The following PAXBP1 variants were observed in gnomAD, a reference collection of about 807,000 sequenced individuals.
The protein encoded by PAXBP1 is PAX3- and PAX7-binding protein 1.
Under a neutral mutation model 119.9 loss-of-function variants are expected in PAXBP1, and 44 were observed. The observed-to-expected ratio is 0.37, with a 90% confidence interval of 0.29 to 0.47. The LOEUF (loss-of-function observed/expected upper bound fraction) is 0.47, where lower values mean the gene tolerates loss of function less well. PAXBP1 is among the 20% of genes least tolerant of loss of function. The pLI is 0.99. For missense variants in PAXBP1, 898 were observed against 1,134.1 expected, an observed-to-expected ratio of 0.79 and a Z score of 2.99; for synonymous variants, 393 against 406.6, an observed-to-expected ratio of 0.97 and a Z score of 0.40.
chr21:32,746,648 TTGG>T (rs753389729), intron 11 of PAXBP1, among the ~76,000 whole-genome samples: 48 of 152,172 alleles, frequency 3.2e-4, no homozygotes, highest in Non-Finnish European at 1.5e-5. Context: ...TTTTACACTA[TTGG>T]TGGGAGTGTA....
intron 17 of PAXBP1, among the ~76,000 whole-genome samples, chr21:32,736,065 A>G (rs957408288): frequency 2.0e-5 from 3 of 152,256 alleles, no homozygotes; most frequent in African/African-American, 4.8e-5. Context: ...TTAAAATGTG[A>G]TAAAATTTAT....
At chr21:32,754,627 C>T (rs1326146104) in intron 8 of PAXBP1, among the ~76,000 whole-genome samples, 1 of 152,102 alleles carries the variant, frequency 6.6e-6, no homozygotes, top group African/African-American at 2.4e-5. Flanking sequence ...CATTTGTATA[C>T]AAAATTTCAA....
chr21:32,735,029 A>G lies in PAXBP1; in HGVS notation c.2675T>C (p.Val892Ala). 1 of 1,613,826 alleles carries G rather than the reference A, an allele frequency of 6.2e-7. No homozygotes were observed. Among genetic ancestry groups the G allele is most frequent in the South Asian group, 1.1e-5 (1 of 91,076 alleles). ...IKQIVKLLAS[V>A]RALDHAMSVA... is the part of the protein sequence containing the mutation. ...AGACATAGCATGATCCAAAGCTCGAACACTTGCAAGGAGTTTTACTATCTG... is the reference window on the plus strand; with the variant it reads ...AGACATAGCATGATCCAAAGCTCGAGCACTTGCAAGGAGTTTTACTATCTG... The change falls in exon 18 of 18, where the codon GTT (valine) becomes GCT (alanine). Residue 892 changes from valine to alanine, a missense_variant. Physicochemically the swap from Val to Ala is moderately conservative, Grantham distance 64. This residue lies in a region of PAXBP1 where 599 missense variants were observed against 852.7 expected (regional missense o/e 0.70). Coordinates refer to ENST00000331923, the MANE Select transcript of PAXBP1 (RefSeq NM_016631.4).
At chr21:32,736,893 CA>C (rs2043700622) in intron 17 of PAXBP1, among the ~76,000 whole-genome samples, 1 of 151,964 alleles carries the variant, frequency 6.6e-6, no homozygotes, top group South Asian at 2.1e-4. Flanking sequence ...TTGATTAAAA[CA>C]AAAAATCTCC....
intron 6 of PAXBP1, chr21:32,759,572 G>A: frequency 1.6e-6 from 1 of 613,040 alleles, no homozygotes. Context: ...TCATGGAGTG[G>A]CATTTTTTAT....
chr21:32,771,314 C>G lies in PAXBP1; in HGVS notation c.343+12G>C, dbSNP rs1349184016. 3.2e-6 allele frequency: 5 copies of G among 1,572,834 alleles called. No individual in the cohort carries two copies. The highest frequency in any genetic ancestry group is 4.3e-6 in the Non-Finnish European group (5 of 1,167,476). On this transcript the variant is annotated intron_variant, in intron 1 of 17. Transcript: ENST00000331923. ...TGCGGCCGTCTAAGGGCGTCCGAAG[C>G]GCGCACTTTACCTTCCTCCTCGTCC...
chr21:32,770,038 A>AAT (rs1173776612), intron 1 of PAXBP1, 96 bp from the exon 2 acceptor site: 1 of 900,930 alleles, frequency 1.1e-6, no homozygotes, highest in East Asian at 2.8e-5. Flanking sequence ...AATTATCCCA[A>AAT]ATATATATAC....
intron 6 of PAXBP1, 72 bp downstream of exon 6, chr21:32,759,705 A>AC (rs1195672219): frequency 7.1e-6 from 9 of 1,259,224 alleles, no homozygotes; most frequent in Non-Finnish European, 1.0e-5. Context: ...TGCATCTGCT[A>AC]CCCCAGACTA....
chr21:32,748,387 G>A, intron 11 of PAXBP1, 112 bp downstream of exon 11: 1 of 881,302 alleles, frequency 1.1e-6, no homozygotes, highest in South Asian at 1.8e-5. Context: ...TATAGCCTAT[G>A]CCCTATCACC....
intron 10 of PAXBP1, among the ~76,000 whole-genome samples, chr21:32,750,347 T>C (rs149716612): frequency 0.017 from 2,639 of 152,316 alleles, 33 homozygotes; most frequent in Non-Finnish European, 0.027. Flanking sequence ...CTTTCAAATT[T>C]TGTTTAGAAA....
chr21:32,765,504 T>C lies in PAXBP1; in HGVS notation c.473-980A>G, dbSNP rs528453156. Among the ~76,000 whole-genome samples, 43 of 152,170 alleles carry C rather than the reference T, an allele frequency of 2.8e-4. No homozygotes were observed. The East Asian group carries it at 8.3e-3, about 29-fold the overall frequency. ...AGGCACAAGGAATATACTGAAAGAG[T>C]AAAGCAAAAGTTTATTCTCAATATG... On this transcript the variant is annotated intron_variant, in intron 2 of 17. Transcript: ENST00000331923.
chr21:32,771,253 A>T, intron 1 of PAXBP1, 73 bp downstream of exon 1: 1 of 1,367,332 alleles, frequency 7.3e-7, no homozygotes, highest in Non-Finnish European at 9.7e-7. Context: ...GCGTCCAGAG[A>T]ATACGGGGGC....
chr21:32,755,068 A>C (rs913637195), intron 8 of PAXBP1, 162 bp downstream of exon 8: 1 of 759,782 alleles, frequency 1.3e-6, no homozygotes, highest in African/African-American at 1.8e-5. Context: ...ACACAATTCA[A>C]GTACATGCTG....
Position 32,761,144 on chromosome 21 carries a change from T to C in PAXBP1, c.890A>G (p.Asp297Gly), listed in dbSNP as rs769287168. The change falls in exon 5 of 18, where the codon GAT becomes GGT. Residue 297 changes from aspartate (D) to glycine (G), a missense_variant. Coordinates refer to ENST00000331923, the MANE Select transcript of PAXBP1 (RefSeq NM_016631.4). ...CTGTTCTCCAGTTACTAAAGCATCA[T>C]CATCACTCCCCTCAATTCCTACAGC... ...AEEIGIEGSD[D>G]DALVTGEQDE... 12 of 1,613,836 alleles carry C rather than the reference T, an allele frequency of 7.4e-6. No homozygotes were observed. In the East Asian group the frequency reaches 2.2e-4, roughly 30 times the overall value.
chr21:32,750,713 C>T (rs111770291), intron 10 of PAXBP1, among the ~76,000 whole-genome samples: 116 of 152,250 alleles, frequency 7.6e-4, no homozygotes, highest in Non-Finnish European at 1.4e-3. Context: ...ATACTAAGTA[C>T]ACCCTATGAG....
At chr21:32,765,815 T>C (rs1187883929) in intron 2 of PAXBP1, among the ~76,000 whole-genome samples, 2 of 152,172 alleles carry the variant, frequency 1.3e-5, no homozygotes, top group Non-Finnish European at 2.9e-5. Context: ...CATTATTAGA[T>C]GGAGTAAAAA....
chr21:32,765,611 T>A (rs1029763061), intron 2 of PAXBP1, among the ~76,000 whole-genome samples: 6 of 152,188 alleles, frequency 3.9e-5, no homozygotes, highest in African/African-American at 4.8e-5. Flanking sequence ...CAAACCATAC[T>A]GTACTCCCTT....
intron 5 of PAXBP1, among the ~76,000 whole-genome samples, 161 bp downstream of exon 5, chr21:32,760,898 C>CGTGTGTGTGT (rs759882630): frequency 2.3e-4 from 28 of 121,598 alleles, no homozygotes; most frequent in African/African-American, 7.2e-4. Flanking sequence ...TGTGTGCGTG[C>CGTGTGTGTGT]GTGCGTGTGT....
chr21:32,735,006 A>C lies in PAXBP1; in HGVS notation c.2698T>G (p.Ser900Ala). ...TTCACATTGTGGTCACTTGCAACAG[A>C]CATAGCATGATCCAAAGCTCGAACA... ...ASVRALDHAM[S>A]VASDHNVKEF... Residue 900 changes from serine (S) to alanine (A), a missense_variant, in exon 18 of 18, where the codon TCT becomes GCT. Ser to Ala is a moderately conservative substitution (Grantham distance 99, BLOSUM62 1). This residue lies in a region of PAXBP1 where 599 missense variants were observed against 852.7 expected (regional missense o/e 0.70). Coordinates refer to ENST00000331923, the MANE Select transcript of PAXBP1 (RefSeq NM_016631.4). The C allele has an allele frequency of 6.2e-7, 1 of 1,613,936 alleles. No individual in the cohort carries two copies. Among genetic ancestry groups the C allele is most frequent in the Non-Finnish European group, 8.5e-7 (1 of 1,179,920 alleles).
Sources: gnomAD v4.1 joint callset for allele counts (sites outside exome capture counted in the v4.1 genomes callset) on GRCh38, gnomAD v4.1.1 for gene constraint, gnomAD v4.1.1 regional missense constraint, MANE v1.5 for transcripts, NCBI Gene and HGNC (gene_info 2026-07-23, HGNC 2026-07-21) for gene names.